Variants in EML5 observed in about 807,000 individuals in gnomAD.
The protein encoded by EML5 is EMAP like 5, also known as echinoderm microtubule-associated protein-like 5.
EML5 carries 120 observed loss-of-function variants against 250.0 expected under a neutral mutation model. That is an observed-to-expected ratio of 0.48 (90% CI 0.41 to 0.56). EML5 has a LOEUF of 0.56. EML5 is among the 20% of genes least tolerant of loss of function. The probability of loss-of-function intolerance (pLI) is 0.00; values close to 1 mark genes in which losing one functional copy is unlikely to be tolerated. For synonymous variants in EML5, 771 were observed against 806.5 expected (o/e 0.96, Z 0.75); for missense variants, 2,006 against 2,437.6 (o/e 0.82, Z 3.73).
rs376074219 is a variant in EML5, at chr14:88,612,576, T to C, written c.*3242A>G. The C allele has an allele frequency of 3.3e-5, 5 of 152,646 alleles. No individual in the cohort carries two copies. Among genetic ancestry groups the C allele is most frequent in the African/African-American group, 1.2e-4 (5 of 41,468 alleles). The allele number at this position is 152,646 out of a possible 1,614,324, so 9.5% of individuals were successfully genotyped here. A position where few individuals can be genotyped will look rare whatever the true frequency, so the allele number is the denominator to read the frequency against. On this transcript the variant is annotated 3_prime_UTR_variant, in exon 44 of 44. Transcript: ENST00000554922. The stretch of plus-strand genomic sequence containing the variant: ...CTTTAAAGTCACAAGATTATAAATG[T>C]ACATATATATTCTCACATTCTGAAA...
intron 41 of EML5, chr14:88,617,446 G>A (rs553619686): frequency 6.6e-6 from 1 of 152,356 alleles, no homozygotes; most frequent in East Asian, 1.9e-4. Context: ...GCGCCTGACT[G>A]AAAACTGATA....
intron 1 of EML5, among the ~76,000 whole-genome samples, chr14:88,772,304 C>T (rs1457270462): frequency 1.3e-5 from 2 of 152,182 alleles, no homozygotes; most frequent in Non-Finnish European, 2.9e-5. Context: ...TACCATTATT[C>T]CTCTATTGCT....
At chr14:88,712,755 A>G (rs2093426880) in intron 9 of EML5, among the ~76,000 whole-genome samples, 2 of 152,322 alleles carry the variant, frequency 1.3e-5, no homozygotes, top group Admixed American at 1.3e-4. Context: ...GTGGAGAATA[A>G]AACTGAATCT....
intron 4 of EML5, among the ~76,000 whole-genome samples, chr14:88,741,526 G>A (rs903556134): frequency 2.0e-5 from 3 of 152,072 alleles, no homozygotes; most frequent in South Asian, 2.1e-4. Context: ...TATAGTTCAC[G>A]GAGAGAAATT....
rs946223649 is a variant in EML5 at position 88,612,953 on chromosome 14, A to G, written c.*2865T>C. The G allele has an allele frequency of 6.6e-6, 1 of 151,230 alleles. No individual in the cohort carries two copies. The highest frequency in any genetic ancestry group is 2.4e-5 in the African/African-American group (1 of 40,880). 9.4% of individuals were successfully genotyped at this position (151,230 alleles called of 1,614,324 possible). On this transcript the variant is annotated 3_prime_UTR_variant, in exon 44 of 44. Transcript: ENST00000554922. ...TGCAAAAGGGGTAATAAAGACTGCAACATTCTCAGGACCAAATTAAACTGC... is the reference window on the plus strand; with the variant it reads ...TGCAAAAGGGGTAATAAAGACTGCAGCATTCTCAGGACCAAATTAAACTGC...
At position 88,688,036 on chromosome 14, in the gene EML5, G is replaced by A. The variant is rs1011837511; in HGVS notation, c.2742+235C>T. 2.0e-5 allele frequency among the ~76,000 whole-genome samples: 3 copies of A among 152,236 alleles called. No individual in the cohort carries two copies. In the South Asian group the frequency reaches 6.2e-4, roughly 32 times the overall value. On this transcript the variant is annotated intron_variant, in intron 18 of 43. Coordinates refer to ENST00000554922, the MANE Select transcript of EML5 (RefSeq NM_183387.3). ...CAGTGAGCTATGACCACACCACTGCGCTCCAGCTTGGGTGACAGAGTGAGA... is the reference window on the plus strand; with the variant it reads ...CAGTGAGCTATGACCACACCACTGCACTCCAGCTTGGGTGACAGAGTGAGA...
intron 6 of EML5, among the ~76,000 whole-genome samples, chr14:88,738,585 T>C (rs1305812389): frequency 6.6e-6 from 1 of 152,148 alleles, no homozygotes; most frequent in African/African-American, 2.4e-5. Flanking sequence ...AATAGTAAAA[T>C]ACTTTCAAAA....
intron 4 of EML5, 39 bp from the exon 5 acceptor site, chr14:88,740,611 C>T (rs1287826455): frequency 1.4e-6 from 2 of 1,476,020 alleles, no homozygotes; most frequent in South Asian, 3.0e-5. Context: ...CCAAAGAATT[C>T]TTATAAAATA....
chr14:88,744,121 T>C (rs1374659159), intron 3 of EML5, 30 bp from the exon 4 acceptor site: 2 of 1,464,884 alleles, frequency 1.4e-6, no homozygotes, highest in Non-Finnish European at 9.2e-7. Context: ...ATGATTAAAA[T>C]ACTTATTTCC....
Position 88,616,287 on chromosome 14 carries a change from G to C in EML5, c.5797-45C>G, listed in dbSNP as rs200209147. The C allele has an allele frequency of 5.1e-5, 80 of 1,559,206 alleles. No individual in the cohort carries two copies. The Admixed American group carries it at 8.3e-4, about 16-fold the overall frequency. ...AAGCTCAGGGCATTTGGTGCACACAGAAGTCAAAGGCTCTTATTAGGAACT... is the reference window on the plus strand; with the variant it reads ...AAGCTCAGGGCATTTGGTGCACACACAAGTCAAAGGCTCTTATTAGGAACT... On this transcript the variant is annotated intron_variant, in intron 42 of 43. Coordinates refer to ENST00000554922, the MANE Select transcript of EML5 (RefSeq NM_183387.3).
chr14:88,775,775 C>A (rs1305124348), intron 1 of EML5, among the ~76,000 whole-genome samples: 4 of 152,178 alleles, frequency 2.6e-5, no homozygotes, highest in African/African-American at 9.7e-5. Flanking sequence ...AGGCAGTAAC[C>A]AGGGACTGAT....
chr14:88,749,893 C>A (rs1248309322), intron 2 of EML5, among the ~76,000 whole-genome samples: 1 of 152,086 alleles, frequency 6.6e-6, no homozygotes, highest in Non-Finnish European at 1.5e-5. Flanking sequence ...TGAGGAAAAA[C>A]CCACAACACA....
At chr14:88,647,367 CAAAAAAAA>C (rs1656442553) in intron 28 of EML5, among the ~76,000 whole-genome samples, 1 of 149,094 alleles carries the variant, frequency 6.7e-6, no homozygotes, top group South Asian at 2.1e-4. Context: ...GACTCCATCT[CAAAAAAAA>C]GAAAAAAAAG....
chr14:88,640,617 C>A (rs1271456590), intron 31 of EML5, among the ~76,000 whole-genome samples: 7 of 152,122 alleles, frequency 4.6e-5, no homozygotes, highest in African/African-American at 1.7e-4. Context: ...AGAAAGATCC[C>A]AAATTAACAA....
In EML5 at chr14:88,763,274, GAA is replaced by G. The variant is rs1328528342; in HGVS notation, c.198-8605_198-8604del. On this transcript the variant is annotated intron_variant, in intron 1 of 43. Coordinates refer to ENST00000554922, the MANE Select transcript of EML5 (RefSeq NM_183387.3). ...GACAGCTAGCAAGACTAATAAAGAAGAAAAGAGAGAAGAATCAAATAGACACA... is the reference window on the plus strand; with the variant it reads ...GACAGCTAGCAAGACTAATAAAGAAGAAGAGAGAAGAATCAAATAGACACA... 6.6e-5 allele frequency among the ~76,000 whole-genome samples: 10 copies of G among 151,658 alleles called. No homozygotes were observed. In the South Asian group the frequency reaches 1.9e-3, roughly 28 times the overall value.
Position 88,706,349 on chromosome 14 carries a change from T to C in EML5, c.1735A>G (p.Ile579Val), listed in dbSNP as rs983972030. The C allele has an allele frequency of 3.7e-6, 6 of 1,610,056 alleles. No individual in the cohort carries two copies. In the African/African-American group the frequency reaches 8.0e-5, roughly 22 times the overall value. ...VRWSHDYQWV[I>V]SIGGADHSVF... ...GAGTGATCTGCTCCACCAATAGAAATAACCCACTGATAATCATGTGACCAT... is the reference window on the plus strand; with the variant it reads ...GAGTGATCTGCTCCACCAATAGAAACAACCCACTGATAATCATGTGACCAT... Residue 579 changes from isoleucine (I) to valine (V), a missense_variant, in exon 11 of 44, where the codon ATT (isoleucine) becomes GTT (valine). Transcript: ENST00000554922.
At chr14:88,647,323 G>A (rs941269514) in intron 28 of EML5, among the ~76,000 whole-genome samples, 1 of 151,892 alleles carries the variant, frequency 6.6e-6, no homozygotes, top group African/African-American at 2.4e-5. Context: ...AAGACTGCAT[G>A]CGCCACTGCA....
chr14:88,700,385 T>G (rs928088716), intron 14 of EML5, among the ~76,000 whole-genome samples: 1 of 151,066 alleles, frequency 6.6e-6, no homozygotes. Flanking sequence ...CAATTATTTG[T>G]TTTTTTTTCT....
Position 88,613,404 on chromosome 14 carries a change from G to T in EML5, c.*2414C>A, listed in dbSNP as rs1170793208. Reference sequence around the variant, plus strand: ...AATACTTTTAGCTATCATTTATAAAGATAGTTTTGTTCTCAGTTTCACTAT... The same window carrying T: ...AATACTTTTAGCTATCATTTATAAATATAGTTTTGTTCTCAGTTTCACTAT... On this transcript the variant is annotated 3_prime_UTR_variant, in exon 44 of 44. Coordinates refer to ENST00000554922, the MANE Select transcript of EML5 (RefSeq NM_183387.3). 6.6e-6 allele frequency: 1 copy of T among 151,754 alleles called. No homozygotes were observed. Among genetic ancestry groups the T allele is most frequent in the Non-Finnish European group, 1.5e-5 (1 of 68,014 alleles). The allele number at this position is 151,754 out of a possible 1,614,324, so 9.4% of individuals were successfully genotyped here.
Sources: gnomAD v4.1 joint callset for allele counts (sites outside exome capture counted in the v4.1 genomes callset) on GRCh38, gnomAD v4.1.1 for gene constraint, MANE v1.5 for transcripts, NCBI Gene and HGNC (gene_info 2026-07-23, HGNC 2026-07-21) for gene names.